ZNF385B: variants seen among roughly 807,000 people sequenced by gnomAD.
The protein encoded by ZNF385B is zinc finger protein 385B.
Under a neutral mutation model 39.2 loss-of-function variants are expected in ZNF385B, and 23 were observed. The ratio of observed to expected loss-of-function variants is 0.59; its 90% CI spans 0.42 to 0.83. The LOEUF (loss-of-function observed/expected upper bound fraction) is 0.83. Among genes scored for constraint, ZNF385B ranks in the 40% least tolerant of loss-of-function variants. The pLI is 0.00. For synonymous variants in ZNF385B, 205 were observed against 222.6 expected, an observed-to-expected ratio of 0.92 and a Z score of 0.70; for missense variants, 552 against 598.9, an observed-to-expected ratio of 0.92 and a Z score of 0.82.
chr2:179,740,192 C>A (rs1702006126), intron 3 of ZNF385B, among the ~76,000 whole-genome samples: 1 of 152,148 alleles, frequency 6.6e-6, no homozygotes, highest in African/African-American at 2.4e-5. Flanking sequence ...GATGTAAAGT[C>A]ATTTCTTCCA....
chr2:179,749,204 A>G (rs1207165598), intron 3 of ZNF385B, among the ~76,000 whole-genome samples: 2 of 152,002 alleles, frequency 1.3e-5, no homozygotes, highest in Admixed American at 6.6e-5. Flanking sequence ...TATACCTTTC[A>G]CATCAAGTCC....
intron 3 of ZNF385B, among the ~76,000 whole-genome samples, chr2:179,692,410 C>G (rs1407888037): frequency 1.3e-5 from 2 of 152,298 alleles, no homozygotes; most frequent in Middle Eastern, 3.4e-3. Context: ...CTCCTCCATT[C>G]TCTACGTGGA....
chr2:179,542,655 A>C (rs975117486), intron 4 of ZNF385B, among the ~76,000 whole-genome samples: 2 of 152,094 alleles, frequency 1.3e-5, no homozygotes, highest in African/African-American at 4.8e-5. Flanking sequence ...TATTCTCTCC[A>C]TTTTTGTTTT....
At chr2:179,673,048 C>T (rs1325560335) in intron 3 of ZNF385B, among the ~76,000 whole-genome samples, 2 of 152,118 alleles carry the variant, frequency 1.3e-5, no homozygotes, top group Non-Finnish European at 2.9e-5. Flanking sequence ...GCAAGAAAAG[C>T]CGTCTGTTTT....
intron 1 of ZNF385B, among the ~76,000 whole-genome samples, chr2:179,773,169 T>C (rs1249716315): frequency 6.6e-6 from 1 of 152,012 alleles, no homozygotes; most frequent in Non-Finnish European, 1.5e-5. Context: ...TTGTTTTCTA[T>C]AATAATTTGA....
At chr2:179,791,360 T>C (rs1395813037) in intron 1 of ZNF385B, among the ~76,000 whole-genome samples, 1 of 152,220 alleles carries the variant, frequency 6.6e-6, no homozygotes, top group African/African-American at 2.4e-5. Context: ...TGAAGACTTA[T>C]CTGAAACCCT....
intron 1 of ZNF385B, among the ~76,000 whole-genome samples, chr2:179,812,967 G>C (rs1706830205): frequency 6.6e-6 from 1 of 151,780 alleles, no homozygotes; most frequent in African/African-American, 2.4e-5. Flanking sequence ...AAAATCAATA[G>C]TTTCCATATT....
intron 3 of ZNF385B, among the ~76,000 whole-genome samples, chr2:179,760,223 C>CGCGCGTGTGTGT (rs11282329): frequency 3.8e-3 from 554 of 144,544 alleles, no homozygotes; most frequent in Non-Finnish European, 5.2e-3. Flanking sequence ...TTCCTGTGTG[C>CGCGCGTGTGTGT]GTGTGTGTGT....
chr2:179,715,737 C>T (rs1175866143), intron 3 of ZNF385B, among the ~76,000 whole-genome samples: 1 of 151,512 alleles, frequency 6.6e-6, no homozygotes, highest in Non-Finnish European at 1.5e-5. Flanking sequence ...ATGATAAATG[C>T]CCATCATAAA....
chr2:179,755,447 T>C (rs887986356), intron 3 of ZNF385B, among the ~76,000 whole-genome samples: 3 of 152,206 alleles, frequency 2.0e-5, no homozygotes, highest in African/African-American at 7.2e-5. Context: ...GTCTATTAGG[T>C]CTGCTTGGTG....
chr2:179,628,735 G>A (rs1690904443), intron 3 of ZNF385B, among the ~76,000 whole-genome samples: 1 of 152,162 alleles, frequency 6.6e-6, no homozygotes, highest in African/African-American at 2.4e-5. Context: ...ACAAAAGAGT[G>A]ATGGTTTAGG....
At chr2:179,516,690 G>T (rs1317501776) in intron 5 of ZNF385B, among the ~76,000 whole-genome samples, 1 of 151,968 alleles carries the variant, frequency 6.6e-6, no homozygotes, top group African/African-American at 2.4e-5. Flanking sequence ...CTTTCTAGTA[G>T]TCTATAGCTT....
chr2:179,774,158 A>C (rs1289705297), intron 1 of ZNF385B, among the ~76,000 whole-genome samples: 1 of 150,850 alleles, frequency 6.6e-6, no homozygotes, highest in Non-Finnish European at 1.5e-5. Flanking sequence ...ATGTGTATGA[A>C]TGTGGTGTGC....
chr2:179,514,529 T>C (rs1311349991), intron 5 of ZNF385B, among the ~76,000 whole-genome samples: 1 of 152,182 alleles, frequency 6.6e-6, no homozygotes, highest in Non-Finnish European at 1.5e-5. Context: ...GCTCGCTATG[T>C]TCTGATAGAA....
chr2:179,801,488 C>T (rs1393273910), intron 1 of ZNF385B, among the ~76,000 whole-genome samples: 2 of 152,006 alleles, frequency 1.3e-5, no homozygotes, highest in African/African-American at 2.4e-5. Flanking sequence ...AGACAAAGTT[C>T]CCAACTCCCT....
intron 3 of ZNF385B, among the ~76,000 whole-genome samples, chr2:179,545,572 T>C (rs998471967): frequency 6.6e-6 from 1 of 151,974 alleles, no homozygotes; most frequent in Non-Finnish European, 1.5e-5. Context: ...ACTAAAAGGG[T>C]TGATTATGGC....
intron 3 of ZNF385B, among the ~76,000 whole-genome samples, chr2:179,687,593 A>C (rs1317771093): frequency 2.0e-5 from 3 of 152,200 alleles, no homozygotes; most frequent in African/African-American, 7.2e-5. Context: ...CTACTATATT[A>C]TCCCTATGTT....
intron 5 of ZNF385B, among the ~76,000 whole-genome samples, chr2:179,493,472 T>G (rs1038256825): frequency 7.8e-6 from 1 of 127,990 alleles, no homozygotes; most frequent in African/African-American, 2.8e-5. Context: ...CATATATGCA[T>G]GTGTACACAT....
At chr2:179,751,375 T>G (rs534504891) in intron 3 of ZNF385B, among the ~76,000 whole-genome samples, 1 of 152,228 alleles carries the variant, frequency 6.6e-6, no homozygotes, top group East Asian at 1.9e-4. Context: ...TTCAATATAC[T>G]CATGGCACCA....
Sources: allele counts gnomAD v4.1 joint callset (sites outside exome capture counted in the v4.1 genomes callset), GRCh38; gene constraint gnomAD v4.1.1; transcripts MANE v1.5; gene names NCBI Gene and HGNC (gene_info 2026-07-23, HGNC 2026-07-21).